Variants in FAM227B observed in about 807,000 individuals in gnomAD.
FAM227B encodes protein FAM227B.
FAM227B carries 88 observed loss-of-function variants against 73.8 expected under a neutral mutation model. The ratio of observed to expected loss-of-function variants is 1.19; its 90% confidence interval spans 1.00 to 1.42. The LOEUF is 1.42. FAM227B is among the 40% of genes most tolerant of loss of function. The pLI is 0.00. For missense variants in FAM227B, 632 were observed against 590.9 expected, an observed-to-expected ratio of 1.07 and a Z score of -0.72; for synonymous variants, 210 against 190.5, an observed-to-expected ratio of 1.10 and a Z score of -0.84.
chr15:49,342,292 CT>C (rs1397057295), intron 13 of FAM227B, among the ~76,000 whole-genome samples: 16 of 152,114 alleles, frequency 1.1e-4, no homozygotes, highest in African/African-American at 3.1e-4. Context: ...TACCCTTTGT[CT>C]TTTTTTGACT....
intron 2 of FAM227B, among the ~76,000 whole-genome samples, chr15:49,612,079 A>G (rs971630006): frequency 1.3e-5 from 2 of 150,976 alleles, no homozygotes; most frequent in Non-Finnish European, 2.9e-5. Flanking sequence ...TAGCCGGCCA[A>G]TTCCTTGGAG....
intron 13 of FAM227B, among the ~76,000 whole-genome samples, chr15:49,362,752 G>A (rs1350401864): frequency 1.4e-5 from 2 of 145,798 alleles, no homozygotes; most frequent in African/African-American, 4.9e-5. Flanking sequence ...TTTTTAATAG[G>A]TTTAGGTCTT....
chr15:49,424,241 C>G, intron 11 of FAM227B: 4 of 1,476,982 alleles, frequency 2.7e-6, no homozygotes, highest in Non-Finnish European at 3.7e-6. Context: ...GAGTAACAAT[C>G]AACTCAAGAT....
intron 11 of FAM227B, among the ~76,000 whole-genome samples, chr15:49,385,850 ATTCTT>A (rs2046852328): frequency 1.3e-5 from 2 of 151,968 alleles, no homozygotes; most frequent in African/African-American, 4.8e-5. Flanking sequence ...AGGAGTAGCT[ATTCTT>A]TTATCAGACA....
Position 49,345,881 on chromosome 15 carries a change from G to T in FAM227B, c.1272-10385C>A, listed in dbSNP as rs181920181. 9.9e-5 allele frequency among the ~76,000 whole-genome samples: 15 copies of T among 152,260 alleles called. No individual in the cohort carries two copies. The East Asian group carries it at 2.7e-3, about 27-fold the overall frequency. On this transcript the variant is annotated intron_variant, in intron 13 of 15. Coordinates refer to ENST00000299338, the MANE Select transcript of FAM227B (RefSeq NM_152647.3). The stretch of plus-strand genomic sequence containing the variant: ...TGAAGAAACTGAAGCTTCTAGAAGT[G>T]AAGTACCTTGCCTTTGAGAGATTGA...
chr15:49,475,709 C>T (rs545021138), intron 11 of FAM227B, among the ~76,000 whole-genome samples: 13 of 152,150 alleles, frequency 8.5e-5, no homozygotes, highest in African/African-American at 2.2e-4. Context: ...ACAGCTGGGG[C>T]GGGCACGGTG....
intron 10 of FAM227B, among the ~76,000 whole-genome samples, chr15:49,518,149 T>C (rs1597810887): frequency 6.6e-6 from 1 of 152,228 alleles, no homozygotes; most frequent in Non-Finnish European, 1.5e-5. Context: ...GGCATGTACC[T>C]GGAAGTCATA....
At chr15:49,387,692 C>T (rs764738799) in intron 11 of FAM227B, among the ~76,000 whole-genome samples, 1 of 151,798 alleles carries the variant, frequency 6.6e-6, no homozygotes, top group Non-Finnish European at 1.5e-5. Context: ...GTCCAACTAT[C>T]ACTGTTTGCA....
chr15:49,393,530 C>T (rs1177140398), intron 11 of FAM227B, among the ~76,000 whole-genome samples: 1 of 152,146 alleles, frequency 6.6e-6, no homozygotes, highest in Non-Finnish European at 1.5e-5. Context: ...ATCTTCACCA[C>T]TAACAATATG....
At chr15:49,601,720 T>C (rs1049248826) in intron 3 of FAM227B, among the ~76,000 whole-genome samples, 1 of 152,186 alleles carries the variant, frequency 6.6e-6, no homozygotes, top group Non-Finnish European at 1.5e-5. Context: ...GTGCTATCAA[T>C]ACTTGGTCTT....
chr15:49,437,322 T>G (rs1237857044), intron 11 of FAM227B, among the ~76,000 whole-genome samples: 2 of 151,294 alleles, frequency 1.3e-5, no homozygotes, highest in African/African-American at 4.9e-5. Flanking sequence ...CAGCAGAGAG[T>G]TTGTTTTAAC....
chr15:49,525,578 C>A (rs2060104364), intron 10 of FAM227B, among the ~76,000 whole-genome samples: 1 of 149,738 alleles, frequency 6.7e-6, no homozygotes, highest in Non-Finnish European at 1.5e-5. Flanking sequence ...TAATTTGTCA[C>A]CATTAGACCA....
At chr15:49,366,754 A>G in intron 13 of FAM227B, 1 of 779,312 alleles carries the variant, frequency 1.3e-6, no homozygotes, top group Non-Finnish European at 2.0e-6. Context: ...GAGTCCCGCC[A>G]CTGCGCTGCC....
intron 9 of FAM227B, among the ~76,000 whole-genome samples, chr15:49,564,291 T>C (rs1461039507): frequency 6.6e-6 from 1 of 152,126 alleles, no homozygotes; most frequent in Non-Finnish European, 1.5e-5. Flanking sequence ...AGACATACTA[T>C]CTCACATCAA....
chr15:49,538,768 T>C (rs935860316), intron 10 of FAM227B, among the ~76,000 whole-genome samples: 1 of 152,054 alleles, frequency 6.6e-6, no homozygotes, highest in Non-Finnish European at 1.5e-5. Context: ...TTCATTTCAT[T>C]CACTGTATTC....
At chr15:49,580,578 A>G (rs2075750084) in intron 5 of FAM227B, among the ~76,000 whole-genome samples, 1 of 152,200 alleles carries the variant, frequency 6.6e-6, no homozygotes, top group African/African-American at 2.4e-5. Flanking sequence ...AAAAAGCCAA[A>G]GTGTCTTTTT....
intron 11 of FAM227B, among the ~76,000 whole-genome samples, chr15:49,403,536 T>C (rs1037465398): frequency 2.0e-5 from 3 of 152,184 alleles, no homozygotes; most frequent in African/African-American, 7.2e-5. Context: ...CTAGATTTTC[T>C]AGTTTATGTG....
intron 9 of FAM227B, among the ~76,000 whole-genome samples, chr15:49,552,618 G>T (rs773824624): frequency 2.0e-5 from 3 of 151,664 alleles, no homozygotes; most frequent in Non-Finnish European, 2.9e-5. Flanking sequence ...ACTCAGATTT[G>T]CCCTTTTGAG....
intron 10 of FAM227B, among the ~76,000 whole-genome samples, chr15:49,525,943 T>C (rs146109620): frequency 0.02 from 3,071 of 151,416 alleles, 47 homozygotes; most frequent in South Asian, 0.075. Flanking sequence ...TGGACAGCAA[T>C]ACAGTAATAG....
Sources: gnomAD v4.1 joint callset for allele counts (sites outside exome capture counted in the v4.1 genomes callset) on GRCh38, gnomAD v4.1.1 for gene constraint, MANE v1.5 for transcripts, NCBI Gene and HGNC (gene_info 2026-07-23, HGNC 2026-07-21) for gene names.